The following KIAA1328 variants were observed in gnomAD, a reference collection of about 807,000 sequenced individuals.
KIAA1328 encodes protein hinderin.
Under a neutral mutation model 68.1 loss-of-function variants are expected in KIAA1328, and 52 were observed. That is an observed-to-expected ratio of 0.76 (90% confidence interval 0.61 to 0.96). KIAA1328 has a LOEUF of 0.96. KIAA1328 is among the 40% of genes least tolerant of loss of function. KIAA1328 has a pLI of 0.00. For missense variants in KIAA1328, 641 were observed against 677.6 expected (o/e 0.95, Z 0.60); for synonymous variants, 232 against 239.4 (o/e 0.97, Z 0.28).
chr18:36,885,776 G>T, intron 5 of KIAA1328, 104 bp downstream of exon 5: 1 of 697,278 alleles, frequency 1.4e-6, no homozygotes, highest in Admixed American at 3.1e-5. Context: ...GCAGTGCAAT[G>T]GTGCGATTTC....
intron 6 of KIAA1328, among the ~76,000 whole-genome samples, chr18:37,031,368 A>G (rs1015365916): frequency 6.6e-6 from 1 of 151,924 alleles, no homozygotes; most frequent in African/African-American, 2.4e-5. Flanking sequence ...CAAATTTAGG[A>G]TTATTATATA....
At chr18:37,137,487 T>C (rs1203276046) in intron 7 of KIAA1328, among the ~76,000 whole-genome samples, 1 of 152,210 alleles carries the variant, frequency 6.6e-6, no homozygotes, top group Non-Finnish European at 1.5e-5. Flanking sequence ...GTCTACTATA[T>C]CACTCAACTA....
At chr18:37,191,396 T>G (rs1038130932) in intron 9 of KIAA1328, among the ~76,000 whole-genome samples, 1 of 152,242 alleles carries the variant, frequency 6.6e-6, no homozygotes, top group African/African-American at 2.4e-5. Flanking sequence ...CCTGCACTAA[T>G]TCTTATTCTC....
chr18:37,145,726 A>C (rs1214693433), intron 7 of KIAA1328, among the ~76,000 whole-genome samples: 2 of 151,726 alleles, frequency 1.3e-5, no homozygotes, highest in Admixed American at 1.3e-4. Context: ...CTCTGGTAAC[A>C]CTCTTGCTTA....
chr18:36,907,982 ATTTT>A (rs1000684018), intron 5 of KIAA1328, among the ~76,000 whole-genome samples: 1 of 151,916 alleles, frequency 6.6e-6, no homozygotes, highest in Non-Finnish European at 1.5e-5. Flanking sequence ...AGATTACCCA[ATTTT>A]TCTTGAGTAA....
Position 37,223,762 on chromosome 18 carries a change from A to G in KIAA1328, c.*1535A>G. The G allele has an allele frequency of 1.0e-6, 1 of 985,428 alleles. No individual in the cohort carries two copies. Among genetic ancestry groups the G allele is most frequent in the Non-Finnish European group, 1.2e-6 (1 of 829,938 alleles). 61.0% of individuals were successfully genotyped at this position (985,428 alleles called of 1,614,324 possible). A position where few individuals can be genotyped will look rare whatever the true frequency, so the allele number is the denominator to read the frequency against. On this transcript the variant is annotated 3_prime_UTR_variant, in exon 10 of 10. Transcript: ENST00000280020. ...GCAGCCTCCTTATCCAGATAGATCC[A>G]AAGCTCATGTCTCTTCAGGCTGAGA...
intron 6 of KIAA1328, among the ~76,000 whole-genome samples, chr18:37,052,449 C>T (rs191535022): frequency 2.0e-5 from 3 of 152,020 alleles, no homozygotes; most frequent in Non-Finnish European, 2.9e-5. Context: ...GTATGTTCAC[C>T]TCACCATTCC....
chr18:36,899,058 GTTCTGT>G (rs1379121318), intron 5 of KIAA1328, among the ~76,000 whole-genome samples: 1 of 151,904 alleles, frequency 6.6e-6, no homozygotes, highest in Non-Finnish European at 1.5e-5. Context: ...TCTTCATCTT[GTTCTGT>G]ATCTCAGGAA....
chr18:36,973,830 T>TACACACACACACACACACACAC (rs111392122), intron 6 of KIAA1328, among the ~76,000 whole-genome samples: 194 of 147,348 alleles, frequency 1.3e-3, no homozygotes, highest in Admixed American at 3.5e-3. Context: ...CACACACACA[T>TACACACACACACACACACACAC]ACACACACAC....
At chr18:37,011,262 G>C (rs1453465868) in intron 6 of KIAA1328, among the ~76,000 whole-genome samples, 1 of 152,072 alleles carries the variant, frequency 6.6e-6, no homozygotes, top group African/African-American at 2.4e-5. Context: ...AGCTATAATT[G>C]AACTCTTGAT....
intron 6 of KIAA1328, among the ~76,000 whole-genome samples, chr18:36,998,090 G>A (rs1440387316): frequency 2.0e-5 from 3 of 152,160 alleles, no homozygotes; most frequent in African/African-American, 4.8e-5. Context: ...GGTATAGCCT[G>A]CTGTCATCTT....
At chr18:37,229,549 C>G, downstream of KIAA1328, 1 of 1,273,698 alleles carries the variant, frequency 7.9e-7, no homozygotes, top group South Asian at 1.3e-5. Flanking sequence ...TACTTCTTCC[C>G]TTCTCTTTCC....
At chr18:36,961,405 CAGG>C (rs1008492336) in intron 6 of KIAA1328, among the ~76,000 whole-genome samples, 17 of 152,218 alleles carry the variant, frequency 1.1e-4, no homozygotes, top group Non-Finnish European at 1.9e-4. Context: ...GGATATTATC[CAGG>C]AGAACTTCCC....
rs2057242346 is a variant in KIAA1328, at chr18:37,090,708, A to C, written c.1232+23163A>C. On this transcript the variant is annotated intron_variant, in intron 7 of 9. Coordinates refer to ENST00000280020, the MANE Select transcript of KIAA1328 (RefSeq NM_020776.3). Reference sequence around the variant, plus strand: ...TTTGAAAGGTATATGGTCTTCTCAGAGGCATTTAGGACATTTTTTTGGAAG... The same window carrying C: ...TTTGAAAGGTATATGGTCTTCTCAGCGGCATTTAGGACATTTTTTTGGAAG... Among the ~76,000 whole-genome samples the C allele has an allele frequency of 2.7e-5, 4 of 150,824 alleles. No individual in the cohort carries two copies. In the South Asian group the frequency reaches 8.6e-4, roughly 32 times the overall value.
At chr18:37,204,976 T>C (rs2060190350) in intron 9 of KIAA1328, among the ~76,000 whole-genome samples, 1 of 151,980 alleles carries the variant, frequency 6.6e-6, no homozygotes, top group South Asian at 2.1e-4. Context: ...TTGTTGTTGT[T>C]GTTGTTGTTT....
chr18:37,044,422 A>G (rs1469876098), intron 6 of KIAA1328, among the ~76,000 whole-genome samples: 1 of 152,140 alleles, frequency 6.6e-6, no homozygotes, highest in African/African-American at 2.4e-5. Flanking sequence ...TGACATATAT[A>G]TTTCTAAAAA....
intron 1 of KIAA1328, chr18:36,832,932 G>A (rs1447927972): frequency 6.6e-6 from 1 of 151,434 alleles, no homozygotes; most frequent in Admixed American, 6.6e-5. Context: ...CGCCTTCTGG[G>A]TTCACACCAT....
intron 6 of KIAA1328, among the ~76,000 whole-genome samples, chr18:37,065,308 A>G (rs1370039348): frequency 6.6e-6 from 1 of 152,232 alleles, no homozygotes; most frequent in Admixed American, 6.5e-5. Flanking sequence ...GGAAGCTGTC[A>G]GATATTTCAC....
intron 7 of KIAA1328, among the ~76,000 whole-genome samples, chr18:37,128,637 A>G (rs1229047735): frequency 6.6e-6 from 1 of 152,182 alleles, no homozygotes; most frequent in Non-Finnish European, 1.5e-5. Context: ...CTACCCAACA[A>G]TCTCTCTCCT....
Sources: allele counts gnomAD v4.1 joint callset (sites outside exome capture counted in the v4.1 genomes callset), GRCh38; gene constraint gnomAD v4.1.1; transcripts MANE v1.5; gene names NCBI Gene and HGNC (gene_info 2026-07-23, HGNC 2026-07-21).